Variants in DNA2 observed in about 807,000 individuals in gnomAD.
The protein encoded by DNA2 is DNA replication ATP-dependent helicase/nuclease DNA2.
In DNA2, 101 loss-of-function variants were observed where a neutral mutation model predicts 119.1. The observed-to-expected ratio is 0.85, with a 90% CI of 0.72 to 1.00. The LOEUF (loss-of-function observed/expected upper bound fraction) is 1.00, where lower values mean the gene tolerates loss of function less well. DNA2 is among the 50% of genes least tolerant of loss of function. The pLI is 0.00. For missense variants in DNA2, 1,121 were observed against 1,255.5 expected, an observed-to-expected ratio of 0.89 and a Z score of 1.62; for synonymous variants, 366 against 424.4, an observed-to-expected ratio of 0.86 and a Z score of 1.69.
intron 9 of DNA2, among the ~76,000 whole-genome samples, chr10:68,441,934 T>C (rs1462684685): frequency 1.4e-5 from 2 of 147,944 alleles, no homozygotes; most frequent in Non-Finnish European, 3.0e-5. Flanking sequence ...TTTAAAATAA[T>C]TTTTTTTTTT....
At chr10:68,432,068 T>A in intron 12 of DNA2, 97 bp from the exon 13 acceptor site, 1 of 1,167,846 alleles carries the variant, frequency 8.6e-7, no homozygotes, top group Non-Finnish European at 1.2e-6. Flanking sequence ...CCAAGTCTAT[T>A]CTTCAATACA....
intron 4 of DNA2, among the ~76,000 whole-genome samples, chr10:68,464,055 G>A (rs1393685475): frequency 6.6e-6 from 1 of 152,188 alleles, no homozygotes; most frequent in African/African-American, 2.4e-5. Flanking sequence ...CACATTTAGA[G>A]TACTGAAGAT....
intron 9 of DNA2, among the ~76,000 whole-genome samples, chr10:68,440,787 T>A (rs547677399): frequency 4.6e-5 from 7 of 152,284 alleles, no homozygotes; most frequent in African/African-American, 1.7e-4. Context: ...AGGGAAATAA[T>A]AATCCAATTA....
chr10:68,471,660 G>T (rs1246757486), intron 1 of DNA2, 131 bp downstream of exon 1: 3 of 1,144,224 alleles, frequency 2.6e-6, no homozygotes, highest in Non-Finnish European at 3.6e-6. Context: ...GGCTCGTCGG[G>T]TGCCCAGGGA....
chr10:68,422,266 A>T lies in DNA2; in HGVS notation c.2656T>A (p.Phe886Ile). The change falls in exon 17 of 21, where the codon TTT becomes ATT. Residue 886 changes from phenylalanine to isoleucine, a missense_variant. Physicochemically the swap from Phe to Ile is conservative, Grantham distance 21. Transcript: ENST00000358410. Reference sequence around the variant, plus strand: ...AAACAAACAGGATTGTTGGGTTCAAATACTCCCATCAACCAAGGATTATCA... The same window carrying T: ...AAACAAACAGGATTGTTGGGTTCAATTACTCCCATCAACCAAGGATTATCA... ...YSDNPWLMGV[F>I]EPNNPVCFLN... The T allele has an allele frequency of 6.2e-7, 1 of 1,612,984 alleles. No individual in the cohort carries two copies. Among genetic ancestry groups the T allele is most frequent in the South Asian group, 1.1e-5 (1 of 90,822 alleles).
rs2051679152 is a variant in DNA2, at chr10:68,422,549, C to G, written c.2458G>C (p.Val820Leu). 2.5e-6 allele frequency: 4 copies of G among 1,614,030 alleles called. No homozygotes were observed. The highest frequency in any genetic ancestry group is 3.4e-6 in the Non-Finnish European group (4 of 1,179,888). Residue 820 changes from valine (V) to leucine (L), a missense_variant, in exon 16 of 21, where the codon GTT (valine) becomes CTT (leucine). Transcript: ENST00000358410. The part of the protein sequence containing the change: ...FKRLEQNKSA[V>L]VQLTVQYRMN... ...CTGTACTGCACGGTTAACTGTACAA[C>G]AGCACTCTTATTCTGCTCCAGCCTC...
intron 5 of DNA2, 108 bp from the exon 6 acceptor site, chr10:68,450,355 G>A: frequency 3.5e-6 from 3 of 845,298 alleles, no homozygotes; most frequent in Non-Finnish European, 5.5e-6. Context: ...AGGGGAAAGA[G>A]TCTACCTACC....
chr10:68,418,296 C>T (rs2051617990), intron 19 of DNA2, among the ~76,000 whole-genome samples: 1 of 151,644 alleles, frequency 6.6e-6, no homozygotes, highest in Admixed American at 6.6e-5. Context: ...CCTGTAATCC[C>T]AGCTATTTGG....
At chr10:68,460,643 C>T (rs534562249) in intron 4 of DNA2, among the ~76,000 whole-genome samples, 37 of 151,846 alleles carry the variant, frequency 2.4e-4, no homozygotes, top group Admixed American at 1.3e-3. Flanking sequence ...CCTGACCTCA[C>T]GTGATCTGCC....
At position 68,422,211 on chromosome 10, in the gene DNA2, A is replaced by AT. The variant is rs370068890; in HGVS notation, c.2697+13dup. Reference sequence around the variant, plus strand: ...ACAAAATGAGAAAAACTAAACAGAAATTTTTTTTTTTACCTTGTCTGTATT... The same window carrying AT: ...ACAAAATGAGAAAAACTAAACAGAAATTTTTTTTTTTTACCTTGTCTGTATT... On this transcript the variant is annotated intron_variant, in intron 17 of 20. Coordinates refer to ENST00000358410, the MANE Select transcript of DNA2 (RefSeq NM_001080449.3). 8,600 of 1,198,380 alleles carry AT rather than the reference A, an allele frequency of 7.2e-3. No homozygotes were observed. Among genetic ancestry groups the AT allele is most frequent in the South Asian group, 9.6e-3 (577 of 60,078 alleles). 74.2% of individuals were successfully genotyped at this position (1,198,380 alleles called of 1,614,324 possible).
chr10:68,467,106 G>A (rs1316521401), intron 3 of DNA2, among the ~76,000 whole-genome samples: 1 of 152,004 alleles, frequency 6.6e-6, no homozygotes, highest in East Asian at 1.9e-4. Context: ...GTTTGAAATA[G>A]CCCAAAATAC....
At chr10:68,448,088 T>G (rs1419263118) in intron 6 of DNA2, among the ~76,000 whole-genome samples, 1 of 152,134 alleles carries the variant, frequency 6.6e-6, no homozygotes, top group Non-Finnish European at 1.5e-5. Context: ...AAAGCAAATA[T>G]TTAGATATCC....
intron 12 of DNA2, 42 bp downstream of exon 12, chr10:68,432,164 C>T: frequency 7.2e-7 from 1 of 1,384,834 alleles, no homozygotes; most frequent in Non-Finnish European, 1.0e-6. Flanking sequence ...CAAATAGAAA[C>T]AAGAAAAATT....
intron 20 of DNA2, 119 bp from the exon 21 acceptor site, chr10:68,415,226 T>C (rs1184583569): frequency 8.1e-6 from 5 of 618,416 alleles, no homozygotes; most frequent in Non-Finnish European, 1.4e-5. Flanking sequence ...TAAGGATCTT[T>C]ATGGCATTCA....
intron 9 of DNA2, among the ~76,000 whole-genome samples, chr10:68,442,331 G>A (rs2051980534): frequency 6.6e-6 from 1 of 151,578 alleles, no homozygotes; most frequent in South Asian, 2.1e-4. Context: ...CAATTCTCCT[G>A]CCTCAGTCTC....
intron 4 of DNA2, among the ~76,000 whole-genome samples, chr10:68,463,738 T>G (rs1403479525): frequency 1.3e-5 from 2 of 151,998 alleles, no homozygotes; most frequent in African/African-American, 4.8e-5. Context: ...AATAACACAT[T>G]CATCAGACAT....
intron 4 of DNA2, among the ~76,000 whole-genome samples, chr10:68,460,234 G>A (rs915777711): frequency 6.6e-6 from 1 of 151,894 alleles, no homozygotes; most frequent in East Asian, 1.9e-4. Context: ...AGCCTTCAGA[G>A]TAGCTGGAAT....
intron 10 of DNA2, among the ~76,000 whole-genome samples, chr10:68,436,651 A>G (rs777607440): frequency 2.6e-5 from 4 of 152,238 alleles, no homozygotes; most frequent in African/African-American, 4.8e-5. Context: ...ATGAAGATGA[A>G]TTTCAAAAAC....
intron 1 of DNA2, among the ~76,000 whole-genome samples, chr10:68,470,993 G>A (rs1362293229): frequency 1.3e-5 from 2 of 152,048 alleles, no homozygotes; most frequent in East Asian, 1.9e-4. Context: ...TCATCCATCG[G>A]TCCAAGCTGT....
Sources: allele counts gnomAD v4.1 joint callset (sites outside exome capture counted in the v4.1 genomes callset), GRCh38; gene constraint gnomAD v4.1.1; transcripts MANE v1.5; gene names NCBI Gene and HGNC (gene_info 2026-07-23, HGNC 2026-07-21).